Variants in CADPS observed in about 807,000 individuals in gnomAD.
CADPS encodes calcium dependent secretion activator.
Under a neutral mutation model 167.3 loss-of-function variants are expected in CADPS, and 57 were observed. The observed-to-expected ratio is 0.34, with a 90% CI of 0.28 to 0.42. The LOEUF (loss-of-function observed/expected upper bound fraction) is 0.42, where lower values mean the gene tolerates loss of function less well. Ranked by LOEUF, CADPS falls within the 20% of genes least tolerant of loss-of-function variation. The pLI is 1.00. For synonymous variants in CADPS, 676 were observed against 635.3 expected, an observed-to-expected ratio of 1.06 and a Z score of -0.96; for missense variants, 1,414 against 1,738.1, an observed-to-expected ratio of 0.81 and a Z score of 3.32.
chr3:62,687,735 T>TC (rs1491170345), intron 3 of CADPS, among the ~76,000 whole-genome samples: 1 of 5,736 alleles, frequency 1.7e-4, no homozygotes, highest in East Asian at 0.011. Context: ...TCCCTTCGCA[T>TC]TTTTTTTTTT....
rs182746103 is a variant in CADPS, at chr3:62,715,320, C to T, written c.888+38121G>A. On this transcript the variant is annotated intron_variant, in intron 3 of 29. Transcript: ENST00000383710. ...CCACTCCCAGCTAATTTTATATTTC[C>T]GGTAGAGATGAGGTTTTGCCATGTT... 2.6e-3 allele frequency among the ~76,000 whole-genome samples: 392 copies of T among 151,780 alleles called. 1 individual carries two copies. The highest frequency in any genetic ancestry group is 4.4e-3 in the Non-Finnish European group (302 of 67,952).
chr3:62,742,272 A>G (rs1039695340), intron 3 of CADPS, among the ~76,000 whole-genome samples: 1 of 152,128 alleles, frequency 6.6e-6, no homozygotes, highest in Non-Finnish European at 1.5e-5. Flanking sequence ...CTAGAAAAAA[A>G]TATTAAAAAA....
intron 11 of CADPS, among the ~76,000 whole-genome samples, chr3:62,547,207 G>T (rs574278517): frequency 8.9e-4 from 135 of 152,154 alleles, no homozygotes; most frequent in Non-Finnish European, 1.2e-3. Flanking sequence ...ACCATGGGAC[G>T]GCTGGGATCC....
chr3:62,422,435 G>A (rs1049813641), intron 28 of CADPS, among the ~76,000 whole-genome samples: 2 of 152,072 alleles, frequency 1.3e-5, no homozygotes, highest in Admixed American at 1.3e-4. Context: ...GCTCTTTAAA[G>A]TTTCAAGAGA....
At chr3:62,697,832 G>C (rs774888947) in intron 3 of CADPS, among the ~76,000 whole-genome samples, 58 of 151,966 alleles carry the variant, frequency 3.8e-4, no homozygotes, top group Non-Finnish European at 6.0e-4. Flanking sequence ...TTGTGGTTTT[G>C]ATTTGCATTT....
chr3:62,573,809 A>G (rs2081762341), intron 8 of CADPS, among the ~76,000 whole-genome samples: 1 of 152,114 alleles, frequency 6.6e-6, no homozygotes, highest in Admixed American at 6.5e-5. Flanking sequence ...TATTGTTCCT[A>G]CTGAACTGTG....
intron 1 of CADPS, among the ~76,000 whole-genome samples, chr3:62,841,502 G>A (rs1006034409): frequency 5.3e-5 from 8 of 152,142 alleles, no homozygotes; most frequent in African/African-American, 1.2e-4. Context: ...GATCATTTGA[G>A]GCCAGGAGTT....
chr3:62,600,922 C>A (rs2059865242), intron 6 of CADPS, among the ~76,000 whole-genome samples: 1 of 152,080 alleles, frequency 6.6e-6, no homozygotes, highest in Non-Finnish European at 1.5e-5. Context: ...AGTATGAGGC[C>A]AGCCTGGGCA....
At position 62,478,186 on chromosome 3, in the gene CADPS, G is replaced by A; in HGVS notation, c.3329+75C>T. 6.7e-7 allele frequency: 1 copy of A among 1,483,750 alleles called. No homozygotes were observed. Among genetic ancestry groups the A allele is most frequent in the Non-Finnish European group, 9.3e-7 (1 of 1,076,576 alleles). 91.9% of individuals were successfully genotyped at this position (1,483,750 alleles called of 1,614,324 possible). A position where few individuals can be genotyped will look rare whatever the true frequency, so the allele number is the denominator to read the frequency against. ...TTTCAAACTACAGCCAATTGAAAGA[G>A]CAGCCATCTACCCTTCCCTGAGTCT... On this transcript the variant is annotated intron_variant, in intron 23 of 29. Coordinates refer to ENST00000383710, the MANE Select transcript of CADPS (RefSeq NM_003716.4). This position sits in a 1 kb window ranked among gnomAD's most constrained non-coding sequence, Gnocchi z 5.7.
intron 9 of CADPS, among the ~76,000 whole-genome samples, chr3:62,567,237 C>T (rs899103355): frequency 6.6e-6 from 1 of 152,064 alleles, no homozygotes; most frequent in Non-Finnish European, 1.5e-5. Flanking sequence ...ATCAAAAGTT[C>T]TCAGAAATCT....
intron 13 of CADPS, among the ~76,000 whole-genome samples, chr3:62,529,004 C>CA (rs1455232499): frequency 6.6e-6 from 1 of 151,756 alleles, no homozygotes; most frequent in Non-Finnish European, 1.5e-5. Context: ...ACTAAAAATA[C>CA]AAAAAAATTA....
At chr3:62,726,865 T>A (rs556678883) in intron 3 of CADPS, among the ~76,000 whole-genome samples, 24 of 151,880 alleles carry the variant, frequency 1.6e-4, no homozygotes, top group Non-Finnish European at 3.2e-4. Context: ...CAAGTTTCCA[T>A]CTGGTATTGG....
At chr3:62,505,440 C>A (rs1344966050) in intron 17 of CADPS, among the ~76,000 whole-genome samples, 1 of 152,160 alleles carries the variant, frequency 6.6e-6, no homozygotes, top group African/African-American at 2.4e-5. Flanking sequence ...TCTTATCTCA[C>A]ACCGTACTAG....
chr3:62,429,978 T>G (rs1479067327), intron 28 of CADPS, among the ~76,000 whole-genome samples: 1 of 152,202 alleles, frequency 6.6e-6, no homozygotes, highest in Non-Finnish European at 1.5e-5. Flanking sequence ...AAGGTTTGCC[T>G]GAAGGTAAGA....
chr3:62,841,063 C>A (rs1265082123), intron 1 of CADPS, among the ~76,000 whole-genome samples: 1 of 152,162 alleles, frequency 6.6e-6, no homozygotes, highest in Non-Finnish European at 1.5e-5. Flanking sequence ...TTACTCCATT[C>A]CCCATTTCCA....
chr3:62,659,686 G>T (rs2072675952), intron 4 of CADPS, among the ~76,000 whole-genome samples: 1 of 152,176 alleles, frequency 6.6e-6, no homozygotes, highest in South Asian at 2.1e-4. Context: ...GAATTCATTG[G>T]TTTAGTTTGC....
chr3:62,589,557 T>C (rs75523684), intron 7 of CADPS, among the ~76,000 whole-genome samples: 1 of 152,294 alleles, frequency 6.6e-6, no homozygotes, highest in East Asian at 1.9e-4. Context: ...ACATGATTCC[T>C]GAAGTAACTG....
Position 62,874,709 on chromosome 3 carries a change from C to A in CADPS, c.321G>T (p.Arg107=). The A allele has an allele frequency of 1.3e-6, 2 of 1,545,686 alleles. No homozygotes were observed. Among genetic ancestry groups the A allele is most frequent in the Non-Finnish European group, 1.8e-6 (2 of 1,140,998 alleles). Residue 107 remains arginine (R), a synonymous_variant, in exon 1 of 30, where the codon CGG becomes CGT. Coordinates refer to ENST00000383710, the MANE Select transcript of CADPS (RefSeq NM_003716.4). This position sits in a 1 kb window ranked among gnomAD's most constrained non-coding sequence, Gnocchi z 7.1. The stretch of plus-strand genomic sequence containing the variant: ...TCCTCTCCTCCTCCTCTTTCTGCAG[C>A]CGCTCCAACTCTTCCTTCTCCTTCT... ...VSEKEKEELE[R]LQKEEEERKK...
At chr3:62,530,997 A>G (rs923763792) in intron 13 of CADPS, among the ~76,000 whole-genome samples, 9 of 152,204 alleles carry the variant, frequency 5.9e-5, no homozygotes, top group African/African-American at 2.2e-4. Flanking sequence ...GAAAATCAGA[A>G]CTGAAAAGAA....
Sources: gnomAD v4.1 joint callset for allele counts (sites outside exome capture counted in the v4.1 genomes callset) on GRCh38, gnomAD v4.1.1 for gene constraint, Gnocchi (gnomAD v3.1) non-coding constraint, MANE v1.5 for transcripts, NCBI Gene and HGNC (gene_info 2026-07-23, HGNC 2026-07-21) for gene names.